TCF3: variants seen among roughly 807,000 people sequenced by gnomAD.
The protein encoded by TCF3 is transcription factor 3.
In TCF3, 54 loss-of-function variants were observed where a neutral mutation model predicts 72.3. The ratio of observed to expected loss-of-function variants is 0.75; its 90% CI spans 0.60 to 0.94. TCF3 has a LOEUF of 0.94. Ranked by LOEUF, TCF3 falls within the 40% of genes least tolerant of loss-of-function variation. The pLI, the probability that TCF3 is intolerant of heterozygous loss-of-function variation, is 0.00. For missense variants in TCF3, 1,078 were observed against 934.4 expected, an observed-to-expected ratio of 1.15 and a Z score of -2.00; for synonymous variants, 525 against 412.6, an observed-to-expected ratio of 1.27 and a Z score of -3.30.
At chr19:1,645,522 GCTCT>G (rs1218203583) in intron 3 of TCF3, among the ~76,000 whole-genome samples, 1 of 152,272 alleles carries the variant, frequency 6.6e-6, no homozygotes, top group African/African-American at 2.4e-5. Flanking sequence ...CGTACGGGCT[GCTCT>G]CTCTGCCTGG....
Position 1,619,093 on chromosome 19 carries a change from C to T in TCF3, c.1450+18G>A, listed in dbSNP as rs372983036. The T allele has an allele frequency of 6.3e-7, 1 of 1,599,062 alleles. No homozygotes were observed. Among genetic ancestry groups the T allele is most frequent in the Non-Finnish European group, 8.5e-7 (1 of 1,179,650 alleles). On this transcript the variant is annotated intron_variant, in intron 16 of 18. Coordinates refer to ENST00000262965, the MANE Select transcript of TCF3 (RefSeq NM_003200.5). ...AACTGGAACCAGGAGTCGGACAGTC[C>T]CAAGCTCAAGGGCTTACCACTGTAG...
intron 5 of TCF3, 82 bp downstream of exon 5, chr19:1,631,956 G>A (rs1012252481): frequency 4.4e-5 from 69 of 1,558,166 alleles, no homozygotes; most frequent in Admixed American, 5.8e-5. Context: ...CTTGCCTGGC[G>A]CTGTGCGTGC....
At chr19:1,617,789 T>G (rs975175269) in intron 16 of TCF3, among the ~76,000 whole-genome samples, 2 of 152,184 alleles carry the variant, frequency 1.3e-5, no homozygotes, top group African/African-American at 4.8e-5. Flanking sequence ...GACCCTTCTC[T>G]GGGGTGGGGC....
At position 1,610,924 on chromosome 19, in the gene TCF3, C is replaced by CA. The variant is rs1568303024; in HGVS notation, c.*782_*783insT. The stretch of plus-strand genomic sequence containing the variant: ...CGTTCTGTCTGTGTGCAGTGGCTTC[C>CA]GGGGGGGGGGGGGGACGGGGGGGCT... On this transcript the variant is annotated 3_prime_UTR_variant, in exon 19 of 19. Transcript: ENST00000262965. The CA allele has an allele frequency of 1.9e-5, 1 of 53,292 alleles. No homozygotes were observed. Among genetic ancestry groups the CA allele is most frequent in the Non-Finnish European group, 3.6e-5 (1 of 27,668 alleles). 3.3% of individuals were successfully genotyped at this position (53,292 alleles called of 1,614,324 possible).
In TCF3 at chr19:1,611,370, C is replaced by G; in HGVS notation, c.*337G>C. ...GTTGCTTGCTTTCAGGTTTTGTTTA[C>G]TGGAAAAAAAAAAAATGCTCCTGTC... is the stretch of plus-strand genomic sequence containing the variant. On this transcript the variant is annotated 3_prime_UTR_variant, in exon 19 of 19. Coordinates refer to ENST00000262965, the MANE Select transcript of TCF3 (RefSeq NM_003200.5). 2.5e-6 allele frequency: 1 copy of G among 397,574 alleles called. No homozygotes were observed. Among genetic ancestry groups the G allele is most frequent in the Non-Finnish European group, 4.4e-6 (1 of 227,138 alleles). The allele number at this position is 397,574 out of a possible 1,614,324, so 24.6% of individuals were successfully genotyped here. A position where few individuals can be genotyped will look rare whatever the true frequency, so the allele number is the denominator to read the frequency against.
At chr19:1,621,070 G>A (rs773684508) in intron 12 of TCF3, 24 bp from the exon 13 acceptor site, 8 of 1,519,344 alleles carry the variant, frequency 5.3e-6, no homozygotes, top group Middle Eastern at 1.7e-4. Context: ...CAGGAGAGAT[G>A]GGCGGTCAGG....
At chr19:1,623,390 T>TC in intron 8 of TCF3, among the ~76,000 whole-genome samples, 2 of 150,132 alleles carry the variant, frequency 1.3e-5, no homozygotes, top group Non-Finnish European at 3.0e-5. Context: ...CGCTTTTTTT[T>TC]TTTTTTTTTT....
intron 8 of TCF3, among the ~76,000 whole-genome samples, chr19:1,623,198 A>G (rs1599637262): frequency 6.6e-6 from 1 of 152,084 alleles, no homozygotes; most frequent in South Asian, 2.1e-4. Flanking sequence ...GGCACTGGGC[A>G]GAGGGTGGTT....
Position 1,633,529 on chromosome 19 carries a change from C to T in TCF3, c.146-1124G>A, listed in dbSNP as rs141756603. ...AAATCGCATCCTTCTATTTCGGTGCCTTTGTGTTAATCATTCCCCCCGGGG... is the reference window on the plus strand; with the variant it reads ...AAATCGCATCCTTCTATTTCGGTGCTTTTGTGTTAATCATTCCCCCCGGGG... On this transcript the variant is annotated intron_variant, in intron 3 of 18. Coordinates refer to ENST00000262965, the MANE Select transcript of TCF3 (RefSeq NM_003200.5). Among the ~76,000 whole-genome samples, 716 of 152,292 alleles carry T rather than the reference C, an allele frequency of 4.7e-3. 3 individuals carry two copies. The highest frequency in any genetic ancestry group is 0.027 in the Middle Eastern group (8 of 294).
intron 18 of TCF3, among the ~76,000 whole-genome samples, chr19:1,613,590 AGAG>A (rs1599440739): frequency 1.3e-5 from 2 of 152,264 alleles, no homozygotes; most frequent in East Asian, 3.9e-4. Context: ...CACTGTGGAC[AGAG>A]GAGGCCTTGA....
Position 1,651,569 on chromosome 19 carries a change from T to C in TCF3, c.-40+731A>G, listed in dbSNP as rs75105382. Among the ~76,000 whole-genome samples the C allele has an allele frequency of 3.0e-3, 450 of 152,274 alleles. 1 individual carries two copies. The highest frequency in any genetic ancestry group is 5.0e-3 in the Non-Finnish European group (340 of 68,008). ...CATTCTACGGGAGCTGGAAGACTTC[T>C]GGGGCGTCCCAAGGACTTTGAGAGA... On this transcript the variant is annotated intron_variant, in intron 1 of 18. Transcript: ENST00000262965.
chr19:1,622,768 T>C (rs1045260554), intron 8 of TCF3, among the ~76,000 whole-genome samples: 6 of 152,100 alleles, frequency 3.9e-5, no homozygotes, highest in East Asian at 1.9e-4. Context: ...CCCCATCCCA[T>C]CCTTCTCCCT....
In TCF3 at chr19:1,611,562, G is replaced by A. The variant is rs1294116315; in HGVS notation, c.*145C>T. Reference sequence around the variant, plus strand: ...TCACCTTGGCCGCCCCCATCACTCCGAACCTTGTCAGGTTGGTGTTGGCTC... The same window carrying A: ...TCACCTTGGCCGCCCCCATCACTCCAAACCTTGTCAGGTTGGTGTTGGCTC... On this transcript the variant is annotated 3_prime_UTR_variant, in exon 19 of 19. Transcript: ENST00000262965. The A allele has an allele frequency of 1.9e-5, 23 of 1,221,444 alleles. No homozygotes were observed. The African/African-American group carries it at 2.5e-4, about 13-fold the overall frequency. 75.7% of individuals were successfully genotyped at this position (1,221,444 alleles called of 1,614,324 possible).
At chr19:1,620,258 C>T (rs896988187) in intron 13 of TCF3, among the ~76,000 whole-genome samples, 2 of 152,242 alleles carry the variant, frequency 1.3e-5, no homozygotes, top group South Asian at 4.1e-4. Context: ...GGGTTCCTGG[C>T]GCTTCCCATG....
At chr19:1,645,995 TCA>T (rs551938892) in intron 3 of TCF3, among the ~76,000 whole-genome samples, 23 of 152,166 alleles carry the variant, frequency 1.5e-4, no homozygotes, top group African/African-American at 5.5e-4. Flanking sequence ...CTCCAGAGCC[TCA>T]GTTTCCCCCT....
At position 1,611,276 on chromosome 19, in the gene TCF3, G is replaced by T; in HGVS notation, c.*431C>A. 3.0e-6 allele frequency: 1 copy of T among 334,386 alleles called. No individual in the cohort carries two copies. Among genetic ancestry groups the T allele is most frequent in the East Asian group, 4.4e-5 (1 of 22,502 alleles). 20.7% of individuals were successfully genotyped at this position (334,386 alleles called of 1,614,324 possible). A position where few individuals can be genotyped will look rare whatever the true frequency, so the allele number is the denominator to read the frequency against. ...GGTTTCCACAGCATCCCCCTTGAGTGATATGTTTCCATTTCTCCGCTTTTT... is the reference window on the plus strand; with the variant it reads ...GGTTTCCACAGCATCCCCCTTGAGTTATATGTTTCCATTTCTCCGCTTTTT... On this transcript the variant is annotated 3_prime_UTR_variant, in exon 19 of 19. Transcript: ENST00000262965.
intron 6 of TCF3, among the ~76,000 whole-genome samples, chr19:1,626,697 C>A (rs895739465): frequency 6.6e-6 from 1 of 152,202 alleles, no homozygotes; most frequent in African/African-American, 2.4e-5. Flanking sequence ...TAGGCCGCGG[C>A]CCCTCGTTGC....
Position 1,632,100 on chromosome 19 carries a change from G to A in TCF3, c.236C>T (p.Thr79Ile), listed in dbSNP as rs762003121. ...GCTGCTGTGCGACTCAGTGAAGTGG[G>A]TGCCCTCGCTGAAGGTCTAGGGGAG... The part of the protein sequence containing the change: ...FDPSRTFSEG[T>I]HFTESHSSLS... Residue 79 changes from threonine (T) to isoleucine (I), a missense_variant, in exon 5 of 19, where the codon ACC (threonine) becomes ATC (isoleucine). Coordinates refer to ENST00000262965, the MANE Select transcript of TCF3 (RefSeq NM_003200.5). 1.7e-5 allele frequency: 28 copies of A among 1,613,200 alleles called. No individual in the cohort carries two copies. Among genetic ancestry groups the A allele is most frequent in the Non-Finnish European group, 2.3e-5 (27 of 1,179,770 alleles).
intron 5 of TCF3, among the ~76,000 whole-genome samples, chr19:1,629,266 G>C (rs182247492): frequency 6.6e-6 from 1 of 152,050 alleles, no homozygotes; most frequent in Non-Finnish European, 1.5e-5. Flanking sequence ...CAGGGGACAG[G>C]CCTGGGGGCC....
Sources: allele counts gnomAD v4.1 joint callset (sites outside exome capture counted in the v4.1 genomes callset), GRCh38; gene constraint gnomAD v4.1.1; transcripts MANE v1.5; gene names NCBI Gene and HGNC (gene_info 2026-07-23, HGNC 2026-07-21).